TTC3: variants seen among roughly 807,000 people sequenced by gnomAD.
TTC3 encodes E3 ubiquitin-protein ligase TTC3.
In TTC3, 180 loss-of-function variants were observed where a neutral mutation model predicts 249.6. The ratio of observed to expected loss-of-function variants is 0.72; its 90% CI spans 0.64 to 0.82. The LOEUF is 0.82. Ranked by LOEUF, TTC3 falls within the 40% of genes least tolerant of loss-of-function variation. The pLI, the probability that TTC3 is intolerant of heterozygous loss-of-function variation, is 0.00. For missense variants in TTC3, 2,061 were observed against 2,398.4 expected (o/e 0.86, Z 2.94); for synonymous variants, 717 against 805.0 (o/e 0.89, Z 1.85).
At chr21:37,134,587 C>T (rs891066181) in intron 17 of TTC3, among the ~76,000 whole-genome samples, 5 of 152,102 alleles carry the variant, frequency 3.3e-5, no homozygotes, top group African/African-American at 7.2e-5. Flanking sequence ...TTTGCATTTG[C>T]GGCCCCTTTG....
rs1342452255 is a variant in TTC3, at chr21:37,160,985, TAA to T, written c.3096+129_3096+130del. ...TTGTAGAGAAAGACTTTCTAGGACTTAAAGATGTTTTGGCAGTCTTCTACATT... is the reference window on the plus strand; with the variant it reads ...TTGTAGAGAAAGACTTTCTAGGACTTAGATGTTTTGGCAGTCTTCTACATT... On this transcript the variant is annotated intron_variant, in intron 30 of 45. Transcript: ENST00000355666. 6 of 921,046 alleles carry T rather than the reference TAA, an allele frequency of 6.5e-6. No homozygotes were observed. In the African/African-American group the frequency reaches 6.9e-5, roughly 11 times the overall value. 57.1% of individuals were successfully genotyped at this position (921,046 alleles called of 1,614,324 possible).
intron 21 of TTC3, among the ~76,000 whole-genome samples, chr21:37,147,032 C>G (rs371801868): frequency 1.3e-5 from 2 of 152,252 alleles, no homozygotes; most frequent in East Asian, 1.9e-4. Flanking sequence ...CCACAAACAA[C>G]AGTGGCAGAG....
intron 1 of TTC3, 177 bp from the exon 2 acceptor site, chr21:37,087,070 G>C: frequency 1.6e-6 from 1 of 636,214 alleles, no homozygotes. Context: ...TCTGGAGAGA[G>C]AGGAAAAGTC....
At chr21:37,178,748 C>G (rs917299483) in intron 35 of TTC3, among the ~76,000 whole-genome samples, 1 of 152,066 alleles carries the variant, frequency 6.6e-6, no homozygotes, top group Non-Finnish European at 1.5e-5. Context: ...TCGCTTGAGC[C>G]CAGGAGTTTG....
intron 4 of TTC3, 80 bp from the exon 5 acceptor site, chr21:37,088,700 CTTATTTTTTAATGGTTTGA>C (rs2072850618): frequency 1.8e-6 from 2 of 1,115,934 alleles, no homozygotes; most frequent in Non-Finnish European, 2.5e-6. Context: ...AAAAAGAGAA[CTTATTTTTTAATGGTTTGA>C]GATATATAGC....
intron 24 of TTC3, 120 bp from the exon 25 acceptor site, chr21:37,150,700 T>G (rs1209843658): frequency 1.4e-6 from 1 of 720,198 alleles, no homozygotes; most frequent in Non-Finnish European, 2.5e-6. Flanking sequence ...CAGAACATCA[T>G]CACTGTTCTC....
At chr21:37,154,765 G>T (rs1014837796) in intron 27 of TTC3, among the ~76,000 whole-genome samples, 1 of 151,328 alleles carries the variant, frequency 6.6e-6, no homozygotes, top group African/African-American at 2.4e-5. Flanking sequence ...GCGCGATCTC[G>T]GCTCACTGCA....
chr21:37,079,517 G>GTTTTTTTTTTTTT (rs60361476), intron 1 of TTC3, among the ~76,000 whole-genome samples: 2 of 91,226 alleles, frequency 2.2e-5, no homozygotes, highest in African/African-American at 4.8e-5. Flanking sequence ...TTATGGTATG[G>GTTTTTTTTTTTTT]TTTTTTTTTT....
At position 37,110,087 on chromosome 21, in the gene TTC3, A is replaced by C. The variant is rs573655893; in HGVS notation, c.900+1641A>C. On this transcript the variant is annotated intron_variant, in intron 11 of 45. Coordinates refer to ENST00000355666, the Ensembl canonical transcript of TTC3. ...CACCATCATCAAAGACCAAAGGTAG[A>C]TAAAACCACAAAGATGGGGAAAAAA... Among the ~76,000 whole-genome samples the C allele has an allele frequency of 1.0e-2, 1,523 of 152,340 alleles. 14 individuals are homozygous for C. The highest frequency in any genetic ancestry group is 0.03 in the East Asian group (153 of 5,180).
intron 1 of TTC3, among the ~76,000 whole-genome samples, chr21:37,077,940 C>T (rs2071127393): frequency 6.6e-6 from 1 of 152,070 alleles, no homozygotes; most frequent in Admixed American, 6.5e-5. Context: ...TAAAGACATT[C>T]CTCTGTTTCT....
chr21:37,200,456 T>C, intron 45 of TTC3, 132 bp downstream of exon 45: 1 of 999,690 alleles, frequency 1.0e-6, no homozygotes. Context: ...AAACCTCCCG[T>C]GTCAGTGTTC....
chr21:37,189,621 C>T (rs146265116), intron 39 of TTC3, among the ~76,000 whole-genome samples: 4,016 of 152,166 alleles, frequency 0.026, 70 homozygotes, highest in Non-Finnish European at 0.039. Context: ...GATCTCGGCT[C>T]ACTGCAAGCT....
chr21:37,182,518 A>T (rs2082847113), intron 35 of TTC3, among the ~76,000 whole-genome samples: 1 of 152,252 alleles, frequency 6.6e-6, no homozygotes, highest in African/African-American at 2.4e-5. Flanking sequence ...ACTTCTGGGC[A>T]CGTCGGAGTG....
exon 35 of TTC3, chr21:37,172,635 A>G: frequency 6.2e-7 from 1 of 1,613,992 alleles, no homozygotes. Context: ...CAAGTATTAC[A>G]AGACCAACTT....
intron 10 of TTC3, among the ~76,000 whole-genome samples, chr21:37,103,835 T>G (rs929318442): frequency 6.6e-6 from 1 of 151,994 alleles, no homozygotes; most frequent in Non-Finnish European, 1.5e-5. Context: ...GAGAGGGTAG[T>G]ATGTTCATAG....
intron 12 of TTC3, 96 bp from the exon 13 acceptor site, chr21:37,122,887 C>G (rs112670941): frequency 7.8e-5 from 103 of 1,315,664 alleles, no homozygotes; most frequent in Non-Finnish European, 1.0e-4. Context: ...AATTTGAGGT[C>G]CTTACTATCA....
intron 38 of TTC3, among the ~76,000 whole-genome samples, chr21:37,187,412 C>G (rs2083427002): frequency 6.6e-6 from 1 of 152,192 alleles, no homozygotes; most frequent in Non-Finnish European, 1.5e-5. Flanking sequence ...CATTATAATT[C>G]AGCCATTTCC....
exon 27 of TTC3, chr21:37,152,970 G>C: frequency 6.2e-7 from 1 of 1,603,720 alleles, no homozygotes; most frequent in Non-Finnish European, 8.5e-7. Context: ...ACAATGTTCA[G>C]CGTTGTCAGT....
intron 1 of TTC3, among the ~76,000 whole-genome samples, chr21:37,077,397 T>C (rs2071045070): frequency 6.6e-6 from 1 of 152,200 alleles, no homozygotes; most frequent in Admixed American, 6.5e-5. Flanking sequence ...AAAGAAATAC[T>C]GCCGTATCAC....
Sources: gnomAD v4.1 joint callset for allele counts (sites outside exome capture counted in the v4.1 genomes callset) on GRCh38, gnomAD v4.1.1 for gene constraint, MANE v1.5 for transcripts, NCBI Gene and HGNC (gene_info 2026-07-23, HGNC 2026-07-21) for gene names.